The following MTUS2 variants were observed in gnomAD, a reference collection of about 807,000 sequenced individuals.
The protein encoded by MTUS2 is microtubule associated scaffold protein 2, also known as microtubule-associated tumor suppressor candidate 2.
MTUS2 carries 40 observed loss-of-function variants against 114.1 expected under a neutral mutation model. That is an observed-to-expected ratio of 0.35 (90% CI 0.27 to 0.46). MTUS2 has a LOEUF of 0.46. MTUS2 is among the 20% of genes least tolerant of loss of function. MTUS2 has a pLI of 1.00. For missense variants in MTUS2, 1,679 were observed against 1,705.4 expected (o/e 0.98, Z 0.27); for synonymous variants, 688 against 672.0 (o/e 1.02, Z -0.37).
In MTUS2 at chr13:29,501,131, A is replaced by G. The variant is rs774856449; in HGVS notation, c.3833A>G (p.Gln1278Arg). Residue 1278 changes from glutamine to arginine, a missense_variant, in exon 15 of 16, where the codon CAG becomes CGG. By Grantham distance (43) the Gln-to-Arg change is conservative (BLOSUM62 1). Around this residue, in one of 3 missense-constraint regions of MTUS2, gnomAD observed 822 missense variants for 899.7 expected, o/e 0.91. Coordinates refer to ENST00000612955, the MANE Select transcript of MTUS2 (RefSeq NM_001033602.4). ...AACATTATCCTAGAAGAAAAGATCC[A>G]GGTTCTCCAACAGCAGAACGAAGAC... ...EKNIILEEKI[Q>R]VLQQQNEDLK... The G allele has an allele frequency of 3.7e-6, 6 of 1,614,156 alleles. No individual in the cohort carries two copies. In the South Asian group the frequency reaches 6.6e-5, roughly 18 times the overall value.
At chr13:29,244,955 C>CAAAAAAAAAAAAAAAAAAA (rs56095961) in intron 5 of MTUS2, among the ~76,000 whole-genome samples, 10 of 60,504 alleles carry the variant, frequency 1.7e-4, no homozygotes, top group Middle Eastern at 0.014. Flanking sequence ...GACTCCGTCT[C>CAAAAAAAAAAAAAAAAAAA]AAAAAAAAAA....
intron 8 of MTUS2, among the ~76,000 whole-genome samples, chr13:29,421,051 CTCTT>C (rs1404228909): frequency 6.6e-6 from 1 of 152,190 alleles, no homozygotes; most frequent in Non-Finnish European, 1.5e-5. Context: ...TGCCATTTCT[CTCTT>C]CTTTTTTCTC....
chr13:29,064,896 T>C (rs988678770), intron 4 of MTUS2, among the ~76,000 whole-genome samples: 31 of 152,316 alleles, frequency 2.0e-4, no homozygotes, highest in African/African-American at 6.5e-4. Context: ...TCTGTTGCTG[T>C]GTTAGTTTGC....
At chr13:29,402,329 G>A (rs1874408753) in intron 8 of MTUS2, among the ~76,000 whole-genome samples, 1 of 152,146 alleles carries the variant, frequency 6.6e-6, no homozygotes, top group South Asian at 2.1e-4. Flanking sequence ...GAACCAAGCA[G>A]AGCCTCTCTC....
chr13:29,102,240 A>G (rs1017756357), intron 5 of MTUS2, among the ~76,000 whole-genome samples: 1 of 152,210 alleles, frequency 6.6e-6, no homozygotes, highest in Non-Finnish European at 1.5e-5. Context: ...AGGAGCAACT[A>G]TTTATCATCA....
chr13:29,417,780 G>T (rs1875774134), intron 8 of MTUS2, among the ~76,000 whole-genome samples: 1 of 151,916 alleles, frequency 6.6e-6, no homozygotes, highest in Non-Finnish European at 1.5e-5. Context: ...GAATGTTCTT[G>T]CTTCATGGCT....
At chr13:29,490,765 G>A (rs1010146302) in intron 11 of MTUS2, among the ~76,000 whole-genome samples, 2 of 152,278 alleles carry the variant, frequency 1.3e-5, no homozygotes, top group Non-Finnish European at 2.9e-5. Flanking sequence ...TGGTAAGCCC[G>A]GCTGGCAGGA....
intron 8 of MTUS2, among the ~76,000 whole-genome samples, chr13:29,404,421 TGAGGCAG>T (rs780758305): frequency 3.9e-5 from 6 of 152,140 alleles, no homozygotes; most frequent in Non-Finnish European, 8.8e-5. Flanking sequence ...CTCGAGAGGC[TGAGGCAG>T]GAAAATGGCT....
chr13:29,198,858 G>A (rs936451475), intron 5 of MTUS2, among the ~76,000 whole-genome samples: 1 of 151,844 alleles, frequency 6.6e-6, no homozygotes, highest in African/African-American at 2.4e-5. Context: ...TCATGATTTG[G>A]CTCTCTGTTT....
chr13:29,333,064 G>A (rs9578084), intron 7 of MTUS2, among the ~76,000 whole-genome samples: 28,595 of 152,114 alleles, frequency 0.19, 2,772 homozygotes, highest in Middle Eastern at 0.22. Context: ...ATTCTGGTAC[G>A]TTGTGTCTTT....
chr13:29,034,026 A>G lies in MTUS2; in HGVS notation c.2347A>G (p.Ser783Gly), dbSNP rs565215572. 3 of 1,614,008 alleles carry G rather than the reference A, an allele frequency of 1.9e-6. No individual in the cohort carries two copies. Among genetic ancestry groups the G allele is most frequent in the South Asian group, 2.2e-5 (2 of 91,084 alleles). The change falls in exon 4 of 16, where the codon AGC becomes GGC. Residue 783 changes from serine to glycine, a missense_variant. Ser to Gly is a moderately conservative substitution (Grantham distance 56). Transcript: ENST00000612955. ...GAMSRLPSAKSRILIASQRSS... is the reference protein window; with the variant it reads ...GAMSRLPSAKGRILIASQRSS... ...AATGTCCCGTTTACCATCTGCAAAG[A>G]GCAGGATTCTGATTGCAAGTCAGAG...
chr13:29,354,092 T>A (rs1376815910), intron 7 of MTUS2, among the ~76,000 whole-genome samples: 1 of 152,172 alleles, frequency 6.6e-6, no homozygotes, highest in Non-Finnish European at 1.5e-5. Context: ...GTCCCCTGAT[T>A]CCCTGCATCA....
chr13:28,890,522 T>G (rs1191281402), intron 2 of MTUS2, among the ~76,000 whole-genome samples: 1 of 152,194 alleles, frequency 6.6e-6, no homozygotes, highest in Non-Finnish European at 1.5e-5. Flanking sequence ...CTCCTAGCGT[T>G]TTTATGAGAA....
intron 1 of MTUS2, among the ~76,000 whole-genome samples, chr13:28,838,559 C>T (rs979043817): frequency 4.6e-5 from 7 of 152,178 alleles, no homozygotes; most frequent in South Asian, 2.1e-4. Context: ...CTCTTCCCCA[C>T]GCTTCCCTCT....
intron 6 of MTUS2, chr13:29,307,736 A>G: frequency 1.8e-6 from 2 of 1,117,310 alleles, no homozygotes; most frequent in Non-Finnish European, 2.7e-6. Flanking sequence ...GAATTTGGCT[A>G]CAGCAACAGG....
intron 2 of MTUS2, among the ~76,000 whole-genome samples, chr13:28,994,480 G>A (rs781735892): frequency 3.3e-5 from 5 of 152,172 alleles, no homozygotes; most frequent in African/African-American, 7.2e-5. Context: ...TCGCCACACC[G>A]ACTTCCACAT....
chr13:28,970,022 C>T (rs1324845523), intron 2 of MTUS2, among the ~76,000 whole-genome samples: 1 of 152,168 alleles, frequency 6.6e-6, no homozygotes, highest in African/African-American at 2.4e-5. Flanking sequence ...TCAGGTGATT[C>T]GCCTGCCTTG....
At chr13:29,167,250 C>G (rs774573769) in intron 5 of MTUS2, among the ~76,000 whole-genome samples, 2 of 151,970 alleles carry the variant, frequency 1.3e-5, no homozygotes, top group Non-Finnish European at 2.9e-5. Flanking sequence ...TTGCGGGCGC[C>G]TGTAGTCCCA....
chr13:29,281,988 A>G, intron 6 of MTUS2, 123 bp downstream of exon 6: 1 of 1,123,716 alleles, frequency 8.9e-7, no homozygotes, highest in Non-Finnish European at 1.2e-6. Context: ...AATGATAGTT[A>G]GTAACAATAA....
Sources: allele counts gnomAD v4.1 joint callset (sites outside exome capture counted in the v4.1 genomes callset), GRCh38; gene constraint gnomAD v4.1.1; regional missense constraint gnomAD v4.1.1; transcripts MANE v1.5; gene names NCBI Gene and HGNC (gene_info 2026-07-23, HGNC 2026-07-21).